The following SCUBE1 variants were observed in gnomAD, a reference collection of about 807,000 sequenced individuals.
The protein encoded by SCUBE1 is signal peptide, CUB and EGF-like domain-containing protein 1.
In SCUBE1, 59 loss-of-function variants were observed where a neutral mutation model predicts 124.4. The observed-to-expected ratio is 0.47, with a 90% CI of 0.38 to 0.59. SCUBE1 has a LOEUF of 0.59. SCUBE1 is among the 20% of genes least tolerant of loss of function. The pLI is 0.00. For synonymous variants in SCUBE1, 545 were observed against 550.9 expected, an observed-to-expected ratio of 0.99 and a Z score of 0.15; for missense variants, 1,150 against 1,371.2, an observed-to-expected ratio of 0.84 and a Z score of 2.55.
At chr22:43,265,632 C>T (rs947581115) in intron 4 of SCUBE1, among the ~76,000 whole-genome samples, 1 of 152,254 alleles carries the variant, frequency 6.6e-6, no homozygotes, top group Non-Finnish European at 1.5e-5. Context: ...AAGGGACGGG[C>T]CAGTGATTGT....
At position 43,255,726 on chromosome 22, in the gene SCUBE1, C is replaced by T. The variant is rs1012275675; in HGVS notation, c.727+2493G>A. ...GGCATCCTCGCCAAGGGGCTAATCC[C>T]AGGAACCTCCAAGGTGGGGGTGTTC... On this transcript the variant is annotated intron_variant, in intron 6 of 21. Coordinates refer to ENST00000360835, the MANE Select transcript of SCUBE1 (RefSeq NM_173050.5). The surrounding 1 kb of genome is among the most constrained non-coding windows in gnomAD (Gnocchi z 4.7). 3.4e-5 allele frequency: 24 copies of T among 696,648 alleles called. 1 individual carries two copies. The highest frequency in any genetic ancestry group is 2.8e-4 in the Middle Eastern group (1 of 3,554). The allele number at this position is 696,648 out of a possible 1,614,324, so 43.2% of individuals were successfully genotyped here.
At chr22:43,324,984 T>C (rs1020858976) in intron 2 of SCUBE1, among the ~76,000 whole-genome samples, 1 of 149,336 alleles carries the variant, frequency 6.7e-6, no homozygotes, top group African/African-American at 2.5e-5. Flanking sequence ...AATACAATGC[T>C]GCTGTCCTAA....
rs186486721 is a variant in SCUBE1, at chr22:43,316,668, C to T, written c.349+3269G>A. 3.2e-3 allele frequency among the ~76,000 whole-genome samples: 486 copies of T among 152,236 alleles called. 2 individuals carry two copies. Among genetic ancestry groups the T allele is most frequent in the African/African-American group, 0.011 (463 of 41,536 alleles). On this transcript the variant is annotated intron_variant, in intron 3 of 21. Coordinates refer to ENST00000360835, the MANE Select transcript of SCUBE1 (RefSeq NM_173050.5). ...CCTGCAGGTCTATGTAGGCTCTGCC[C>T]TTGGTCTAGCAAACTTATCCCCAAC...
chr22:43,244,885 C>T (rs764542458), intron 6 of SCUBE1, among the ~76,000 whole-genome samples: 4 of 152,258 alleles, frequency 2.6e-5, no homozygotes, highest in East Asian at 1.9e-4. Context: ...CCGGGGTCCT[C>T]GCCAGAACCT....
chr22:43,294,262 T>A (rs550037398), intron 3 of SCUBE1, among the ~76,000 whole-genome samples: 23 of 152,346 alleles, frequency 1.5e-4, no homozygotes, highest in Non-Finnish European at 2.9e-4. Flanking sequence ...CTTGAGGCCA[T>A]GACCAGCATC....
At chr22:43,324,155 G>C (rs1217411001) in intron 2 of SCUBE1, among the ~76,000 whole-genome samples, 1 of 152,176 alleles carries the variant, frequency 6.6e-6, no homozygotes, top group East Asian at 1.9e-4. Flanking sequence ...TATGCCTGTT[G>C]TCAGGGCGTA....
In SCUBE1 at chr22:43,223,110, T is replaced by A. The variant is rs759151211; in HGVS notation, c.1314A>T (p.Thr438=). 2 of 1,543,440 alleles carry A rather than the reference T, an allele frequency of 1.3e-6. No homozygotes were observed. The highest frequency in any genetic ancestry group is 1.7e-6 in the Non-Finnish European group (2 of 1,151,432). The stretch of plus-strand genomic sequence containing the variant: ...GGCCCGGGTTACCTGGCACGAAGAG[T>A]GTGTGAGCCGGGCAGGAAAGGAAGC... ...ESCFLSCPAH[T]LFVPDSENSY... Residue 438 remains threonine, a synonymous_variant, in exon 11 of 22, where the codon ACA becomes ACT. Coordinates refer to ENST00000360835, the MANE Select transcript of SCUBE1 (RefSeq NM_173050.5).
At chr22:43,295,754 G>A (rs560023491) in intron 3 of SCUBE1, among the ~76,000 whole-genome samples, 3 of 152,320 alleles carry the variant, frequency 2.0e-5, no homozygotes, top group East Asian at 1.9e-4. Context: ...CACCTGAAAC[G>A]CCTCTGTTCA....
In SCUBE1 at chr22:43,221,614, G is replaced by A. The variant is rs181394088; in HGVS notation, c.1433-325C>T. Among the ~76,000 whole-genome samples the A allele has an allele frequency of 2.6e-3, 398 of 152,302 alleles. 6 individuals are homozygous for A. The highest frequency in any genetic ancestry group is 8.5e-3 in the African/African-American group (354 of 41,554). Reference sequence around the variant, plus strand: ...CCATGATTGTGCTTTAGGAAAGAGCGTAGAACAGAAGAGAGATAGGACAGC... The same window carrying A: ...CCATGATTGTGCTTTAGGAAAGAGCATAGAACAGAAGAGAGATAGGACAGC... On this transcript the variant is annotated intron_variant, in intron 12 of 21. Coordinates refer to ENST00000360835, the MANE Select transcript of SCUBE1 (RefSeq NM_173050.5).
chr22:43,315,855 T>C (rs1173888471), intron 3 of SCUBE1, among the ~76,000 whole-genome samples: 1 of 152,220 alleles, frequency 6.6e-6, no homozygotes, highest in Non-Finnish European at 1.5e-5. Context: ...ACAGACTCAC[T>C]GCTAGTCTGC....
At chr22:43,235,133 G>A (rs1310853415) in intron 7 of SCUBE1, among the ~76,000 whole-genome samples, 3 of 152,176 alleles carry the variant, frequency 2.0e-5, no homozygotes, top group Admixed American at 6.5e-5. Flanking sequence ...GTCTAGGAAC[G>A]CTCACCGAAT....
chr22:43,220,623 A>G lies in SCUBE1; in HGVS notation c.1550-36T>C, dbSNP rs757767995. The G allele has an allele frequency of 1.9e-4, 311 of 1,607,194 alleles. 1 individual carries two copies. Among genetic ancestry groups the G allele is most frequent in the Middle Eastern group, 8.2e-4 (5 of 6,066 alleles). ...AAAGGACCACTGTGGCAAAGGCGGC[A>G]TGGGGCAGGGAGCAAGGTCCTACCA... On this transcript the variant is annotated intron_variant, in intron 13 of 21. Transcript: ENST00000360835.
At chr22:43,266,324 A>G (rs1298512038) in intron 4 of SCUBE1, among the ~76,000 whole-genome samples, 1 of 151,712 alleles carries the variant, frequency 6.6e-6, no homozygotes, top group East Asian at 1.9e-4. Context: ...TCACTATCAC[A>G]TTTCAAAATG....
rs564386100 is a variant in SCUBE1, at chr22:43,199,296, AGGCC to A, written c.*4697_*4700del. On this transcript the variant is annotated 3_prime_UTR_variant, in exon 22 of 22. Transcript: ENST00000360835. Reference sequence around the variant, plus strand: ...AATTAAGCATCGGTATGGCTTAAACAGGCCAGGGGCCTCCTGCCGTGGACAAGCC... The same window carrying A: ...AATTAAGCATCGGTATGGCTTAAACAAGGGGCCTCCTGCCGTGGACAAGCC... 1.4e-3 allele frequency: 233 copies of A among 161,998 alleles called. 11 individuals are homozygous for A. Among genetic ancestry groups the A allele is most frequent in the South Asian group, 3.9e-3 (22 of 5,646 alleles). 10.0% of individuals were successfully genotyped at this position (161,998 alleles called of 1,614,324 possible). A position where few individuals can be genotyped will look rare whatever the true frequency, so the allele number is the denominator to read the frequency against.
chr22:43,199,918 C>G lies in SCUBE1; in HGVS notation c.*4079G>C, dbSNP rs943427947. ...TGCCCTCAGCGGCTATATGAGCCCT[C>G]AATCACGGAGGGCCTGGCTGTCTTC... On this transcript the variant is annotated 3_prime_UTR_variant, in exon 22 of 22. Transcript: ENST00000360835. 3.3e-5 allele frequency: 5 copies of G among 152,290 alleles called. No homozygotes were observed. Among genetic ancestry groups the G allele is most frequent in the Non-Finnish European group, 5.9e-5 (4 of 68,106 alleles). The allele number at this position is 152,290 out of a possible 1,614,324, so 9.4% of individuals were successfully genotyped here.
At chr22:43,207,392 C>A (rs1345542533) in intron 21 of SCUBE1, 142 bp downstream of exon 21, 4 of 678,484 alleles carry the variant, frequency 5.9e-6, no homozygotes, top group South Asian at 1.7e-5. Context: ...GGCTCTGGGA[C>A]CCCCAAGCCT....
chr22:43,298,634 C>T (rs891519357), intron 3 of SCUBE1, among the ~76,000 whole-genome samples: 3 of 152,216 alleles, frequency 2.0e-5, no homozygotes, highest in Non-Finnish European at 2.9e-5. Flanking sequence ...TAGGGAAGGA[C>T]GGGAGTCTAC....
In SCUBE1 at chr22:43,200,642, A is replaced by T. The variant is rs890445899; in HGVS notation, c.*3355T>A. On this transcript the variant is annotated 3_prime_UTR_variant, in exon 22 of 22. Coordinates refer to ENST00000360835, the MANE Select transcript of SCUBE1 (RefSeq NM_173050.5). ...GGACCCCCAAGTTCCCTGGTGTGAG[A>T]CTGATGTGGAGACTCAAGACAGAGC... 2.0e-5 allele frequency: 3 copies of T among 152,370 alleles called. No individual in the cohort carries two copies. Among genetic ancestry groups the T allele is most frequent in the Non-Finnish European group, 2.9e-5 (2 of 68,132 alleles). The allele number at this position is 152,370 out of a possible 1,614,324, so 9.4% of individuals were successfully genotyped here. A position where few individuals can be genotyped will look rare whatever the true frequency, so the allele number is the denominator to read the frequency against.
At chr22:43,262,966 A>T (rs765398005) in intron 4 of SCUBE1, 121 bp from the exon 5 acceptor site, 2 of 1,036,754 alleles carry the variant, frequency 1.9e-6, no homozygotes, top group Non-Finnish European at 1.4e-6. Context: ...CATTGCATGT[A>T]TCATGCACAC....
Sources: allele counts gnomAD v4.1 joint callset (sites outside exome capture counted in the v4.1 genomes callset), GRCh38; gene constraint gnomAD v4.1.1; non-coding constraint Gnocchi (gnomAD v3.1); transcripts MANE v1.5; gene names NCBI Gene and HGNC (gene_info 2026-07-23, HGNC 2026-07-21).